The following MED16 variants were observed in gnomAD, a reference collection of about 807,000 sequenced individuals.
The protein encoded by MED16 is mediator complex subunit 16.
MED16 carries 81 observed loss-of-function variants against 84.4 expected under a neutral mutation model. The observed-to-expected ratio is 0.96, with a 90% confidence interval of 0.80 to 1.15. MED16 has a LOEUF of 1.15. Among genes scored for constraint, MED16 ranks in the 50% most tolerant of loss-of-function variants. The probability of loss-of-function intolerance (pLI) is 0.00; values close to 1 mark genes in which losing one functional copy is unlikely to be tolerated. For missense variants in MED16, 1,585 were observed against 1,245.9 expected, an observed-to-expected ratio of 1.27 and a Z score of -4.10; for synonymous variants, 897 against 552.2, an observed-to-expected ratio of 1.62 and a Z score of -8.76.
chr19:873,620 T>G (rs1255784246), intron 10 of MED16, 38 bp from the exon 11 acceptor site: 1 of 1,608,380 alleles, frequency 6.2e-7, no homozygotes, highest in Non-Finnish European at 8.5e-7. Context: ...TCGGGCCTCT[T>G]GTACACACAG....
intron 3 of MED16, 84 bp downstream of exon 3, chr19:890,053 C>CTCCA: frequency 8.9e-7 from 1 of 1,117,822 alleles, no homozygotes; most frequent in Non-Finnish European, 1.3e-6. Flanking sequence ...CAGCGCCGGA[C>CTCCA]TCCAGACTGA....
intron 8 of MED16, 117 bp from the exon 9 acceptor site, chr19:877,297 T>G: frequency 1.2e-6 from 1 of 840,366 alleles, no homozygotes; most frequent in Non-Finnish European, 1.8e-6. Flanking sequence ...CGCACGCCCG[T>G]GTGTGGGCCT....
At position 871,162 on chromosome 19, in the gene MED16, G is replaced by A. The variant is rs1322663653; in HGVS notation, c.2190C>T (p.Asp730=). The A allele has an allele frequency of 1.0e-5, 16 of 1,548,830 alleles. No homozygotes were observed. Among genetic ancestry groups the A allele is most frequent in the Admixed American group, 3.9e-5 (2 of 51,032 alleles). Residue 730 remains aspartate, a synonymous_variant, in exon 13 of 16, where the codon GAC becomes GAT. Transcript: ENST00000325464. ...LPSQLLIPSL[D]WLPASDGLVS... ...CCAGGCCGTCGCTGGCTGGCAGCCA[G>A]TCCAGGCTGGGGATAAGCAGCTGGC...
In MED16 at chr19:868,066, C is replaced by G; in HGVS notation, c.*35G>C. ...AAGGAAACCGAGGAGACGCCCGAGC[C>G]GGGTCACCACAAGGTCCGCCTGGAC... On this transcript the variant is annotated 3_prime_UTR_variant, in exon 16 of 16. Coordinates refer to ENST00000325464, the MANE Select transcript of MED16 (RefSeq NM_005481.3). 2 of 1,570,272 alleles carry G rather than the reference C, an allele frequency of 1.3e-6. No homozygotes were observed. The highest frequency in any genetic ancestry group is 1.7e-6 in the Non-Finnish European group (2 of 1,163,986).
At chr19:885,035 G>A (rs773363566) in intron 5 of MED16, 27 bp from the exon 6 acceptor site, 5 of 1,544,616 alleles carry the variant, frequency 3.2e-6, no homozygotes, top group South Asian at 1.2e-5. Flanking sequence ...GGTGAGGGCT[G>A]ACCCGGCACT....
chr19:878,685 C>G (rs2036331672), intron 8 of MED16, among the ~76,000 whole-genome samples: 1 of 111,324 alleles, frequency 9.0e-6, no homozygotes, highest in African/African-American at 3.4e-5. Flanking sequence ...CCAACAGCCC[C>G]AACCCCACGT....
chr19:884,792 G>C, intron 6 of MED16, 111 bp downstream of exon 6: 1 of 786,550 alleles, frequency 1.3e-6, no homozygotes, highest in South Asian at 1.5e-5. Flanking sequence ...CGATCGCTTA[G>C]GGCCGGGGTT....
chr19:879,628 C>A (rs865774522), intron 8 of MED16, among the ~76,000 whole-genome samples: 1 of 70,148 alleles, frequency 1.4e-5, no homozygotes. Flanking sequence ...AAGCCCAGCC[C>A]CACGTGCCCC....
At chr19:871,479 C>G in intron 12 of MED16, 1 of 1,443,604 alleles carries the variant, frequency 6.9e-7, no homozygotes, top group Non-Finnish European at 9.3e-7. Context: ...TGTCATGAGA[C>G]TCCCTCATTC....
intron 13 of MED16, among the ~76,000 whole-genome samples, chr19:870,669 G>C (rs1033419842): frequency 6.6e-6 from 1 of 151,956 alleles, no homozygotes; most frequent in South Asian, 2.1e-4. Context: ...ATGGAGTTAG[G>C]GGCACCTAGA....
chr19:886,329 G>C (rs1295689237), intron 4 of MED16, 128 bp from the exon 5 acceptor site: 2 of 804,216 alleles, frequency 2.5e-6, no homozygotes, highest in East Asian at 5.9e-5. Context: ...TTCAGATCCT[G>C]ACTCGGCCAC....
intron 13 of MED16, among the ~76,000 whole-genome samples, chr19:869,225 G>C (rs2035989372): frequency 6.6e-6 from 1 of 152,062 alleles, no homozygotes; most frequent in African/African-American, 2.4e-5. Context: ...GGCCCACACA[G>C]GGACGAGGGT....
At chr19:870,539 C>A (rs2036021710) in intron 13 of MED16, among the ~76,000 whole-genome samples, 1 of 140,648 alleles carries the variant, frequency 7.1e-6, no homozygotes. Context: ...CCAGCCTGGG[C>A]AACAGAGTGA....
At chr19:879,045 C>A (rs1215438305) in intron 8 of MED16, among the ~76,000 whole-genome samples, 11 of 149,164 alleles carry the variant, frequency 7.4e-5, no homozygotes, top group South Asian at 4.3e-4. Context: ...TCACCTTCCC[C>A]CGGTTGTCAA....
intron 8 of MED16, among the ~76,000 whole-genome samples, chr19:878,943 C>CGCAGCTCCACGTGCCCCAGCAGCT (rs2036339904): frequency 1.3e-4 from 17 of 130,904 alleles, no homozygotes; most frequent in African/African-American, 4.7e-4. Flanking sequence ...CGGCCCCGGC[C>CGCAGCTCCACGTGCCCCAGCAGCT]CCGGCCGCAG....
intron 9 of MED16, among the ~76,000 whole-genome samples, chr19:876,027 G>A (rs950975404): frequency 1.3e-5 from 2 of 152,210 alleles, no homozygotes; most frequent in African/African-American, 2.4e-5. Flanking sequence ...GCGAGGTCTC[G>A]CCATCACTAG....
rs1466036127 is a variant in MED16, at chr19:868,946, C to T, written c.2316G>A (p.Arg772=). Residue 772 remains arginine (R), a splice_region_variant and synonymous_variant, in exon 14 of 16, where the codon AGG becomes AGA. Coordinates refer to ENST00000325464, the MANE Select transcript of MED16 (RefSeq NM_005481.3). ...AATLQLDGLA[R]APGQPKIDHL... ...GGTCGATCTTGGGCTGGCCTGGGGC[C>T]CTGGCGGGAGAGGGGAGAACGTGAG... 6 of 1,535,962 alleles carry T rather than the reference C, an allele frequency of 3.9e-6. No individual in the cohort carries two copies. The highest frequency in any genetic ancestry group is 1.9e-4 in the Middle Eastern group (1 of 5,252).
intron 3 of MED16, 87 bp from the exon 4 acceptor site, chr19:889,894 G>T (rs2036599025): frequency 6.8e-7 from 1 of 1,461,114 alleles, no homozygotes; most frequent in Non-Finnish European, 9.1e-7. Context: ...GGGGAAGCCA[G>T]CCCAGTGGAG....
chr19:883,887 C>T (rs531608044), intron 6 of MED16, among the ~76,000 whole-genome samples: 3 of 152,218 alleles, frequency 2.0e-5, no homozygotes, highest in South Asian at 2.1e-4. Context: ...GGCGAAGGAA[C>T]GAGCCCTGGG....
Sources: allele counts gnomAD v4.1 joint callset (sites outside exome capture counted in the v4.1 genomes callset), GRCh38; gene constraint gnomAD v4.1.1; transcripts MANE v1.5; gene names NCBI Gene and HGNC (gene_info 2026-07-23, HGNC 2026-07-21).